Variants in DDX60L observed in about 807,000 individuals in gnomAD.
DDX60L encodes probable ATP-dependent RNA helicase DDX60-like.
A neutral mutation model predicts 211.6 loss-of-function variants in DDX60L; 191 were observed. The ratio of observed to expected loss-of-function variants is 0.90; its 90% CI spans 0.80 to 1.02. The LOEUF (loss-of-function observed/expected upper bound fraction) is 1.02, where lower values mean the gene tolerates loss of function less well. Ranked by LOEUF, DDX60L falls within the 50% of genes least tolerant of loss-of-function variation. The pLI, the probability that DDX60L is intolerant of heterozygous loss-of-function variation, is 0.00. For missense variants in DDX60L, 2,007 were observed against 1,984.1 expected (o/e 1.01, Z -0.22); for synonymous variants, 706 against 694.1 (o/e 1.02, Z -0.27).
At chr4:168,463,132 G>C (rs1195875348) in intron 4 of DDX60L, among the ~76,000 whole-genome samples, 1 of 152,112 alleles carries the variant, frequency 6.6e-6, no homozygotes, top group Non-Finnish European at 1.5e-5. Context: ...CCATTACTGG[G>C]TATATATCCA....
intron 8 of DDX60L, 78 bp downstream of exon 8, chr4:168,453,046 C>A: frequency 7.3e-7 from 1 of 1,372,448 alleles, no homozygotes; most frequent in Non-Finnish European, 9.8e-7. Context: ...GGCATTATTC[C>A]AATATAACTC....
chr4:168,452,820 A>T (rs1291748178), intron 8 of DDX60L, among the ~76,000 whole-genome samples: 1 of 152,208 alleles, frequency 6.6e-6, no homozygotes, highest in Non-Finnish European at 1.5e-5. Flanking sequence ...AAATAAATTC[A>T]TAAACACTTT....
Position 168,379,681 on chromosome 4 carries a change from C to T in DDX60L, c.4221+45G>A, listed in dbSNP as rs907138620. The T allele has an allele frequency of 4.1e-6, 6 of 1,466,956 alleles. No individual in the cohort carries two copies. The African/African-American group carries it at 8.5e-5, about 21-fold the overall frequency. The allele number at this position is 1,466,956 out of a possible 1,614,324, so 90.9% of individuals were successfully genotyped here. A position where few individuals can be genotyped will look rare whatever the true frequency, so the allele number is the denominator to read the frequency against. ...TTGGTTTAGCATAGAAAGAAGTTTA[C>T]ACGGTACTAGTTACAGAGAACAAAA... On this transcript the variant is annotated intron_variant, in intron 31 of 37. Transcript: ENST00000682922.
chr4:168,479,698 G>A (rs561867936), intron 1 of DDX60L, among the ~76,000 whole-genome samples: 2 of 152,234 alleles, frequency 1.3e-5, no homozygotes, highest in South Asian at 4.2e-4. Flanking sequence ...GCCGGGCGCG[G>A]TGGCTCACGC....
intron 12 of DDX60L, among the ~76,000 whole-genome samples, chr4:168,431,669 T>A (rs1752378520): frequency 6.6e-6 from 1 of 151,788 alleles, no homozygotes; most frequent in Non-Finnish European, 1.5e-5. Flanking sequence ...AACCTGCACA[T>A]TGTGCACATG....
intron 22 of DDX60L, among the ~76,000 whole-genome samples, chr4:168,407,560 G>C (rs969128712): frequency 6.6e-6 from 1 of 152,212 alleles, no homozygotes; most frequent in Admixed American, 6.5e-5. Context: ...AGTTAACCAA[G>C]TATCTTTATG....
intron 24 of DDX60L, among the ~76,000 whole-genome samples, chr4:168,405,711 G>A (rs150795562): frequency 1.3e-3 from 196 of 152,262 alleles, no homozygotes; most frequent in African/African-American, 4.5e-3. Flanking sequence ...GTTTGTAGCT[G>A]TTACCTGAAG....
At position 168,461,942 on chromosome 4, in the gene DDX60L, C is replaced by T. The variant is rs200487793; in HGVS notation, c.363G>A (p.Thr121=). ...LQHNTNIDVQ[T]EFSGCLSQDW... The stretch of plus-strand genomic sequence containing the variant: ...CTTGTGATAAGCATCCAGAAAACTC[C>T]GTTTGCACATCAATGTTAGTATTGT... Residue 121 remains threonine, a synonymous_variant, in exon 5 of 38, where the codon ACG becomes ACA. Coordinates refer to ENST00000682922, the MANE Select transcript of DDX60L (RefSeq NM_001012967.3). 25 of 1,613,042 alleles carry T rather than the reference C, an allele frequency of 1.5e-5. No homozygotes were observed. The Admixed American group carries it at 2.5e-4, about 16-fold the overall frequency.
chr4:168,476,009 C>G (rs4692942), intron 1 of DDX60L: 124,419 of 151,592 alleles, frequency 0.82, 51,115 homozygotes, highest in East Asian at 0.88. Flanking sequence ...ACCAGAAACT[C>G]AATCAGCCAG....
intron 26 of DDX60L, among the ~76,000 whole-genome samples, chr4:168,396,720 C>T (rs1284342937): frequency 6.6e-6 from 1 of 151,648 alleles, no homozygotes; most frequent in Non-Finnish European, 1.5e-5. Flanking sequence ...GAATCAGTCA[C>T]CGAGAAGACC....
At chr4:168,476,983 C>A (rs1269467540) in intron 1 of DDX60L, among the ~76,000 whole-genome samples, 1 of 152,162 alleles carries the variant, frequency 6.6e-6, no homozygotes, top group Non-Finnish European at 1.5e-5. Flanking sequence ...CACTATTGGG[C>A]CGACTGGCCA....
At position 168,416,736 on chromosome 4, in the gene DDX60L, C is replaced by T. The variant is rs774834169; in HGVS notation, c.2672G>A (p.Arg891Gln). The T allele has an allele frequency of 3.3e-5, 53 of 1,608,332 alleles. No homozygotes were observed. The highest frequency in any genetic ancestry group is 1.7e-4 in the Middle Eastern group (1 of 6,048). Residue 891 changes from arginine to glutamine, a missense_variant, in exon 20 of 38, where the codon CGA becomes CAA. Arg to Gln is a conservative substitution (Grantham distance 43, BLOSUM62 1). Coordinates refer to ENST00000682922, the MANE Select transcript of DDX60L (RefSeq NM_001012967.3). ...KFWELLLVII[R>Q]CPFLVLSATI... is the part of the protein sequence containing the mutation. ...AGCTGAAAGAACCAAAAAGGGACATCGAATAATGACAAGGAGGAGCTCCCA... is the reference window on the plus strand; with the variant it reads ...AGCTGAAAGAACCAAAAAGGGACATTGAATAATGACAAGGAGGAGCTCCCA...
At chr4:168,370,191 C>T (rs2684366) in intron 36 of DDX60L, among the ~76,000 whole-genome samples, 121,449 of 152,060 alleles carry the variant, frequency 0.8, 48,569 homozygotes, top group East Asian at 0.85. Context: ...AGTGGATGAA[C>T]AGATAAAGAA....
rs1292595237 is a variant in DDX60L, at chr4:168,356,864, A to C, written c.*1283T>G. 6.6e-6 allele frequency: 1 copy of C among 152,234 alleles called. No individual in the cohort carries two copies. Among genetic ancestry groups the C allele is most frequent in the East Asian group, 1.9e-4 (1 of 5,198 alleles). The allele number at this position is 152,234 out of a possible 1,614,324, so 9.4% of individuals were successfully genotyped here. A position where few individuals can be genotyped will look rare whatever the true frequency, so the allele number is the denominator to read the frequency against. On this transcript the variant is annotated 3_prime_UTR_variant, in exon 38 of 38. Coordinates refer to ENST00000682922, the MANE Select transcript of DDX60L (RefSeq NM_001012967.3). ...CTTACATTCAAGATTTCATTTACATACAAAATTCACTTGAGGTTTTCTGGT... is the reference window on the plus strand; with the variant it reads ...CTTACATTCAAGATTTCATTTACATCCAAAATTCACTTGAGGTTTTCTGGT...
chr4:168,384,941 T>A (rs912895528), intron 29 of DDX60L, 129 bp from the exon 30 acceptor site: 1 of 922,678 alleles, frequency 1.1e-6, no homozygotes, highest in Non-Finnish European at 1.6e-6. Flanking sequence ...GAAACTAATC[T>A]ATGTTAACAT....
intron 33 of DDX60L, among the ~76,000 whole-genome samples, chr4:168,376,346 A>G (rs573062112): frequency 2.0e-4 from 30 of 152,374 alleles, no homozygotes; most frequent in Admixed American, 1.9e-3. Flanking sequence ...AAAAACAAGA[A>G]AGAGACTAAA....
chr4:168,371,505 A>G, intron 36 of DDX60L, 107 bp downstream of exon 36: 1 of 413,080 alleles, frequency 2.4e-6, no homozygotes, highest in African/African-American at 2.1e-5. Flanking sequence ...TTATATAACT[A>G]TATAATGTAA....
intron 33 of DDX60L, among the ~76,000 whole-genome samples, chr4:168,377,291 CAAATAAATAAATAAATAAAT>C (rs200027731): frequency 3.6e-5 from 4 of 110,700 alleles, no homozygotes; most frequent in East Asian, 2.4e-4. Flanking sequence ...GACTCTGTCT[CAAATAAATAAATAAATAAAT>C]AAATAAATAA....
At chr4:168,383,901 A>G (rs1227052165) in intron 30 of DDX60L, among the ~76,000 whole-genome samples, 1 of 152,164 alleles carries the variant, frequency 6.6e-6, no homozygotes, top group Non-Finnish European at 1.5e-5. Flanking sequence ...TTGCCAAAGG[A>G]GATTAACATT....
Sources: allele counts gnomAD v4.1 joint callset (sites outside exome capture counted in the v4.1 genomes callset), GRCh38; gene constraint gnomAD v4.1.1; transcripts MANE v1.5; gene names NCBI Gene and HGNC (gene_info 2026-07-23, HGNC 2026-07-21).